Variants in CRIM1 observed in about 807,000 individuals in gnomAD.
CRIM1 encodes cysteine rich transmembrane BMP regulator 1.
A neutral mutation model predicts 116.4 loss-of-function variants in CRIM1; 32 were observed. That is an observed-to-expected ratio of 0.27 (90% CI 0.21 to 0.37). CRIM1 has a LOEUF of 0.37. Ranked by LOEUF, CRIM1 falls within the 10% of genes least tolerant of loss-of-function variation. The pLI is 1.00. For missense variants in CRIM1, 1,331 were observed against 1,354.8 expected (o/e 0.98, Z 0.28); for synonymous variants, 590 against 509.2 (o/e 1.16, Z -2.13).
intron 6 of CRIM1, among the ~76,000 whole-genome samples, chr2:36,478,487 T>C (rs983949272): frequency 1.3e-5 from 2 of 152,234 alleles, no homozygotes; most frequent in South Asian, 2.1e-4. Flanking sequence ...TAGAAAAATA[T>C]GTATTCTAAT....
At position 36,360,282 on chromosome 2, in the gene CRIM1, A is replaced by G. The variant is rs78636717; in HGVS notation, c.331+3659A>G. Among the ~76,000 whole-genome samples the G allele has an allele frequency of 2.4e-3, 371 of 152,338 alleles. 1 individual carries two copies. The highest frequency in any genetic ancestry group is 8.6e-3 in the African/African-American group (357 of 41,582). The stretch of plus-strand genomic sequence containing the variant: ...TGTACAGACAGAGTGATGAGGAACC[A>G]GGTGGAGACTACTTGAGTCACTGTT... On this transcript the variant is annotated intron_variant, in intron 1 of 16. Coordinates refer to ENST00000280527, the MANE Select transcript of CRIM1 (RefSeq NM_016441.3).
chr2:36,507,126 C>T (rs7349234), intron 8 of CRIM1, among the ~76,000 whole-genome samples: 1 of 152,178 alleles, frequency 6.6e-6, no homozygotes, highest in African/African-American at 2.4e-5. Context: ...TCCCAAAGTG[C>T]TGGGATTACA....
At chr2:36,402,104 A>G (rs7595245) in intron 2 of CRIM1, among the ~76,000 whole-genome samples, 80,703 of 152,092 alleles carry the variant, frequency 0.53, 21,758 homozygotes, top group East Asian at 0.82. Context: ...GGTGTCTCCT[A>G]GGTTTCTCAA....
chr2:36,407,243 A>G (rs1672876523), intron 2 of CRIM1, among the ~76,000 whole-genome samples: 1 of 152,160 alleles, frequency 6.6e-6, no homozygotes, highest in Non-Finnish European at 1.5e-5. Flanking sequence ...ACACACATAT[A>G]CATATTCGTG....
chr2:36,396,393 A>G (rs1219506736), intron 1 of CRIM1, among the ~76,000 whole-genome samples: 8 of 152,250 alleles, frequency 5.3e-5, no homozygotes, highest in Non-Finnish European at 4.4e-5. Context: ...TTGTGCATAT[A>G]GCTATTTAAT....
Position 36,550,217 on chromosome 2 carries a change from C to T in CRIM1, c.*1516C>T, listed in dbSNP as rs967726903. 2 of 149,022 alleles carry T rather than the reference C, an allele frequency of 1.3e-5. No homozygotes were observed. The highest frequency in any genetic ancestry group is 3.0e-5 in the Non-Finnish European group (2 of 67,574). 9.2% of individuals were successfully genotyped at this position (149,022 alleles called of 1,614,324 possible). ...CATTGATGGCAGTTCTTATCTGCATCACTAATCAGCTCCTGGATTTTTTTT... is the reference window on the plus strand; with the variant it reads ...CATTGATGGCAGTTCTTATCTGCATTACTAATCAGCTCCTGGATTTTTTTT... On this transcript the variant is annotated 3_prime_UTR_variant, in exon 17 of 17. Coordinates refer to ENST00000280527, the MANE Select transcript of CRIM1 (RefSeq NM_016441.3).
chr2:36,430,686 G>T (rs1490600413), intron 2 of CRIM1, among the ~76,000 whole-genome samples: 1 of 152,194 alleles, frequency 6.6e-6, no homozygotes, highest in Non-Finnish European at 1.5e-5. Context: ...GGGTGGAGAT[G>T]CCTTCACAGA....
At chr2:36,436,324 T>G (rs574485806) in intron 2 of CRIM1, among the ~76,000 whole-genome samples, 4 of 152,228 alleles carry the variant, frequency 2.6e-5, no homozygotes, top group Non-Finnish European at 4.4e-5. Flanking sequence ...GATAATTTAT[T>G]GAAAGGTGAA....
At chr2:36,472,675 G>C (rs1678625122) in intron 5 of CRIM1, among the ~76,000 whole-genome samples, 1 of 152,052 alleles carries the variant, frequency 6.6e-6, no homozygotes, top group South Asian at 2.1e-4. Flanking sequence ...TGGTAGCTGT[G>C]GTTGATCAAC....
At chr2:36,524,506 C>T (rs1384488213) in intron 13 of CRIM1, among the ~76,000 whole-genome samples, 1 of 152,032 alleles carries the variant, frequency 6.6e-6, no homozygotes, top group Non-Finnish European at 1.5e-5. Flanking sequence ...AAATAGTTCA[C>T]AAGTCAACCA....
At chr2:36,429,710 C>G (rs1451152632) in intron 2 of CRIM1, among the ~76,000 whole-genome samples, 1 of 152,220 alleles carries the variant, frequency 6.6e-6, no homozygotes, top group Non-Finnish European at 1.5e-5. Flanking sequence ...GGTGCCTAGA[C>G]AGCAGCATCA....
At position 36,423,910 on chromosome 2, in the gene CRIM1, A is replaced by G. The variant is rs143336661; in HGVS notation, c.506-17348A>G. Among the ~76,000 whole-genome samples, 982 of 152,316 alleles carry G rather than the reference A, an allele frequency of 6.4e-3. 28 individuals carry two copies. The South Asian group carries it at 0.076, about 12-fold the overall frequency. On this transcript the variant is annotated intron_variant, in intron 2 of 16. Transcript: ENST00000280527. Reference sequence around the variant, plus strand: ...ATAGATGAGGAAGCTGAAGCTAGGAAAGGTGACTGAGGCCCACAGACTTGT... The same window carrying G: ...ATAGATGAGGAAGCTGAAGCTAGGAGAGGTGACTGAGGCCCACAGACTTGT...
At chr2:36,546,807 C>T (rs971404497) in intron 15 of CRIM1, among the ~76,000 whole-genome samples, 177 bp from the exon 16 acceptor site, 20 of 138,952 alleles carry the variant, frequency 1.4e-4, no homozygotes, top group East Asian at 6.9e-4. Context: ...CATCCCTAAG[C>T]GCTCTGCTCT....
chr2:36,438,445 G>A (rs1038813175), intron 2 of CRIM1, among the ~76,000 whole-genome samples: 4 of 152,118 alleles, frequency 2.6e-5, no homozygotes, highest in Non-Finnish European at 5.9e-5. Flanking sequence ...TTCAAGATTC[G>A]CCTTCTCCTC....
chr2:36,465,405 A>G (rs1677928738), intron 5 of CRIM1, among the ~76,000 whole-genome samples: 1 of 152,254 alleles, frequency 6.6e-6, no homozygotes, highest in African/African-American at 2.4e-5. Context: ...ACATGTCAAT[A>G]ACCATTCAGA....
chr2:36,525,625 T>G (rs1665705293), intron 13 of CRIM1, among the ~76,000 whole-genome samples: 1 of 152,190 alleles, frequency 6.6e-6, no homozygotes, highest in Non-Finnish European at 1.5e-5. Flanking sequence ...CAGTTTTAAC[T>G]CAGATTATCA....
chr2:36,389,097 A>G (rs1464631297), intron 1 of CRIM1, among the ~76,000 whole-genome samples: 1 of 152,174 alleles, frequency 6.6e-6, no homozygotes, highest in Non-Finnish European at 1.5e-5. Flanking sequence ...ATATGCTTAA[A>G]ATTTTTTCAC....
Position 36,479,758 on chromosome 2 carries a change from C to T in CRIM1, c.1372+64C>T, listed in dbSNP as rs757678392. On this transcript the variant is annotated intron_variant, in intron 7 of 16. Coordinates refer to ENST00000280527, the MANE Select transcript of CRIM1 (RefSeq NM_016441.3). ...CTTCTGTTGGAGAAGCTTCTACCAG[C>T]GTACGTTCTTGTTTGTTTATTTCCT... 11 of 1,484,370 alleles carry T rather than the reference C, an allele frequency of 7.4e-6. No homozygotes were observed. In the African/African-American group the frequency reaches 9.7e-5, roughly 13 times the overall value. The allele number at this position is 1,484,370 out of a possible 1,614,324, so 91.9% of individuals were successfully genotyped here.
chr2:36,381,371 C>G (rs1367206876), intron 1 of CRIM1, among the ~76,000 whole-genome samples: 4 of 152,318 alleles, frequency 2.6e-5, no homozygotes, highest in South Asian at 4.1e-4. Context: ...AGGGAGCCGG[C>G]AGGTTTCCTC....
Sources: gnomAD v4.1 joint callset for allele counts (sites outside exome capture counted in the v4.1 genomes callset) on GRCh38, gnomAD v4.1.1 for gene constraint, MANE v1.5 for transcripts, NCBI Gene and HGNC (gene_info 2026-07-23, HGNC 2026-07-21) for gene names.